The following EIF3H variants were observed in gnomAD, a reference collection of about 807,000 sequenced individuals.
The protein encoded by EIF3H is eukaryotic translation initiation factor 3 subunit H, also known as eIF-3-gamma.
A neutral mutation model predicts 44.2 loss-of-function variants in EIF3H; 26 were observed. The ratio of observed to expected loss-of-function variants is 0.59; its 90% CI spans 0.43 to 0.82. The LOEUF (loss-of-function observed/expected upper bound fraction) is 0.82. Ranked by LOEUF, EIF3H falls within the 40% of genes least tolerant of loss-of-function variation. The probability of loss-of-function intolerance (pLI) is 0.00; values close to 1 mark genes in which losing one functional copy is unlikely to be tolerated. For missense variants in EIF3H, 359 were observed against 432.8 expected (o/e 0.83, Z 1.51); for synonymous variants, 166 against 151.9 (o/e 1.09, Z -0.68).
upstream of EIF3H, chr8:116,756,114 C>T: frequency 2.8e-6 from 3 of 1,085,632 alleles, no homozygotes; most frequent in Non-Finnish European, 4.0e-6. Flanking sequence ...TGTAGTGTCT[C>T]TTATGTAAAA....
At chr8:116,729,190 A>G (rs947996198) in intron 1 of EIF3H, among the ~76,000 whole-genome samples, 10 of 152,330 alleles carry the variant, frequency 6.6e-5, no homozygotes, top group Admixed American at 2.0e-4. Context: ...ATTAGAAGAT[A>G]TATGAGCTTA....
chr8:116,681,956 G>C (rs943824443), intron 2 of EIF3H, among the ~76,000 whole-genome samples: 35 of 152,180 alleles, frequency 2.3e-4, no homozygotes, highest in Non-Finnish European at 4.4e-5. Context: ...GCAAATGAGA[G>C]ATGCAAGAAT....
At chr8:116,658,476 G>C in intron 3 of EIF3H, 1 of 202,292 alleles carries the variant, frequency 4.9e-6, no homozygotes, top group East Asian at 1.3e-4. Flanking sequence ...TGATTGGTCA[G>C]TCACGTACAG....
intron 2 of EIF3H, among the ~76,000 whole-genome samples, chr8:116,706,456 T>G (rs1262509432): frequency 6.6e-6 from 1 of 152,194 alleles, no homozygotes; most frequent in African/African-American, 2.4e-5. Flanking sequence ...AAACACTCCA[T>G]ATAACCACTC....
intron 1 of EIF3H, among the ~76,000 whole-genome samples, 162 bp downstream of exon 1, chr8:116,755,504 G>A (rs1046399362): frequency 2.6e-5 from 4 of 152,160 alleles, no homozygotes; most frequent in African/African-American, 9.7e-5. Context: ...GGCTGTCGAA[G>A]CTCCTGAACA....
At chr8:116,685,132 G>A (rs148873713) in intron 2 of EIF3H, among the ~76,000 whole-genome samples, 24 of 152,232 alleles carry the variant, frequency 1.6e-4, no homozygotes, top group African/African-American at 5.5e-4. Context: ...AAGACTGTGT[G>A]TTCTCCCTCT....
chr8:116,753,215 T>C (rs567227733), intron 1 of EIF3H, among the ~76,000 whole-genome samples: 148 of 152,260 alleles, frequency 9.7e-4, no homozygotes, highest in South Asian at 2.5e-3. Flanking sequence ...GGGAAAGTTG[T>C]TAGGAACTTA....
intron 1 of EIF3H, among the ~76,000 whole-genome samples, chr8:116,731,143 G>A (rs1563655767): frequency 1.3e-5 from 2 of 152,038 alleles, no homozygotes; most frequent in Admixed American, 6.6e-5. Context: ...TATCACAAAT[G>A]ACCCCACATT....
exon 1 of EIF3H, chr8:116,765,648 T>A (rs1450002682): frequency 6.6e-6 from 1 of 152,252 alleles, no homozygotes; most frequent in African/African-American, 2.4e-5. Context: ...TGGCCCAGTA[T>A]GTAGTCTTCC....
chr8:116,664,162 G>GC (rs1460993700), intron 2 of EIF3H, among the ~76,000 whole-genome samples: 1 of 152,164 alleles, frequency 6.6e-6, no homozygotes, highest in African/African-American at 2.4e-5. Flanking sequence ...CTGAAGTTTG[G>GC]CACCAGTATA....
intron 5 of EIF3H, among the ~76,000 whole-genome samples, chr8:116,651,991 G>T (rs1414631288): frequency 6.6e-6 from 1 of 152,208 alleles, no homozygotes; most frequent in Non-Finnish European, 1.5e-5. Flanking sequence ...AGCTGTGAAA[G>T]TAATGAGGAA....
At chr8:116,676,022 T>C (rs1029502658) in intron 2 of EIF3H, among the ~76,000 whole-genome samples, 3 of 152,174 alleles carry the variant, frequency 2.0e-5, no homozygotes, top group African/African-American at 7.2e-5. Context: ...TAAAAAAAAT[T>C]AGCTGCTATT....
intron 2 of EIF3H, among the ~76,000 whole-genome samples, chr8:116,705,319 A>T (rs1409445851): frequency 1.3e-5 from 2 of 152,206 alleles, no homozygotes; most frequent in African/African-American, 4.8e-5. Flanking sequence ...AAGTTGTTTT[A>T]TCCAAGAGAA....
intron 1 of EIF3H, among the ~76,000 whole-genome samples, chr8:116,745,717 G>C (rs1815221271): frequency 6.6e-6 from 1 of 152,092 alleles, no homozygotes; most frequent in Non-Finnish European, 1.5e-5. Flanking sequence ...GATTGCTTGA[G>C]GCCGGGAGTT....
intron 1 of EIF3H, among the ~76,000 whole-genome samples, chr8:116,746,510 G>C (rs988733884): frequency 6.6e-6 from 1 of 152,160 alleles, no homozygotes; most frequent in African/African-American, 2.4e-5. Flanking sequence ...ATATGAAGCT[G>C]CTATAAAATG....
At chr8:116,740,445 G>A (rs932484950) in intron 1 of EIF3H, among the ~76,000 whole-genome samples, 32 of 152,096 alleles carry the variant, frequency 2.1e-4, no homozygotes, top group African/African-American at 7.7e-4. Flanking sequence ...GTCAGATCAC[G>A]ACTCCCTTAG....
intron 1 of EIF3H, among the ~76,000 whole-genome samples, chr8:116,726,421 T>A (rs1361201746): frequency 6.6e-6 from 1 of 152,302 alleles, no homozygotes; most frequent in Non-Finnish European, 1.5e-5. Context: ...ACAGCAGTTA[T>A]GCTCTTAAAT....
chr8:116,743,886 T>A (rs371440556), intron 1 of EIF3H, among the ~76,000 whole-genome samples: 1 of 150,596 alleles, frequency 6.6e-6, no homozygotes, highest in African/African-American at 2.4e-5. Context: ...TTGTGTGTAA[T>A]AGTGATTTTC....
At chr8:116,710,155 T>C (rs1563649335) in intron 2 of EIF3H, among the ~76,000 whole-genome samples, 2 of 152,186 alleles carry the variant, frequency 1.3e-5, no homozygotes, top group Admixed American at 6.5e-5. Flanking sequence ...AACCATACTG[T>C]GTACTCAGTA....
Sources: allele counts gnomAD v4.1 joint callset (sites outside exome capture counted in the v4.1 genomes callset), GRCh38; gene constraint gnomAD v4.1.1; transcripts MANE v1.5; gene names NCBI Gene and HGNC (gene_info 2026-07-23, HGNC 2026-07-21).